Variants in MAN1C1 observed in about 807,000 individuals in gnomAD.
The protein encoded by MAN1C1 is mannosyl-oligosaccharide 1,2-alpha-mannosidase IC.
In MAN1C1, 49 loss-of-function variants were observed where a neutral mutation model predicts 71.5. The ratio of observed to expected loss-of-function variants is 0.69; its 90% confidence interval spans 0.54 to 0.87. The LOEUF (loss-of-function observed/expected upper bound fraction) is 0.87. Among genes scored for constraint, MAN1C1 ranks in the 40% least tolerant of loss-of-function variants. MAN1C1 has a pLI of 0.00. For missense variants in MAN1C1, 743 were observed against 835.0 expected (o/e 0.89, Z 1.36); for synonymous variants, 352 against 343.7 (o/e 1.02, Z -0.27).
At chr1:25,717,283 G>A (rs1003217864) in intron 2 of MAN1C1, among the ~76,000 whole-genome samples, 3 of 152,128 alleles carry the variant, frequency 2.0e-5, no homozygotes, top group African/African-American at 4.8e-5. Context: ...GGCTGAGGTG[G>A]GTGGATCACT....
intron 1 of MAN1C1, among the ~76,000 whole-genome samples, chr1:25,628,898 A>G (rs963528776): frequency 6.6e-6 from 1 of 152,202 alleles, no homozygotes; most frequent in Non-Finnish European, 1.5e-5. Flanking sequence ...CTCCTGCTAC[A>G]TCCAAGTTGC....
At chr1:25,722,182 T>C (rs1054886179) in intron 2 of MAN1C1, among the ~76,000 whole-genome samples, 1 of 152,232 alleles carries the variant, frequency 6.6e-6, no homozygotes, top group African/African-American at 2.4e-5. Flanking sequence ...ATGTGAACTG[T>C]CTTTTCCCTG....
chr1:25,696,886 G>C (rs555945229), intron 2 of MAN1C1, among the ~76,000 whole-genome samples: 3 of 152,094 alleles, frequency 2.0e-5, no homozygotes, highest in Non-Finnish European at 4.4e-5. Context: ...GCCTCAAGGG[G>C]TCCTCCTGCC....
chr1:25,746,653 G>A lies in MAN1C1; in HGVS notation c.638-15G>A, dbSNP rs774831966. 6 of 1,591,090 alleles carry A rather than the reference G, an allele frequency of 3.8e-6. No individual in the cohort carries two copies. The highest frequency in any genetic ancestry group is 5.2e-6 in the Non-Finnish European group (6 of 1,159,454). On this transcript the variant is annotated splice_polypyrimidine_tract_variant and intron_variant, in intron 2 of 11. Coordinates refer to ENST00000374332, the MANE Select transcript of MAN1C1 (RefSeq NM_020379.4). The surrounding 1 kb of genome is among the most constrained non-coding windows in gnomAD (Gnocchi z 4.0). ...GATGGCCCTGGGTCACACCCTCAATGCTCTGTGCCTGCAGGAGGCCTCAGC... is the reference window on the plus strand; with the variant it reads ...GATGGCCCTGGGTCACACCCTCAATACTCTGTGCCTGCAGGAGGCCTCAGC...
intron 2 of MAN1C1, among the ~76,000 whole-genome samples, chr1:25,744,241 T>C (rs2047097968): frequency 6.6e-6 from 1 of 152,144 alleles, no homozygotes; most frequent in Admixed American, 6.5e-5. Flanking sequence ...CCTCCCTGCT[T>C]GAGCACCTCG....
Position 25,671,116 on chromosome 1 carries a change from C to T in MAN1C1, c.541-15324C>T, listed in dbSNP as rs61072680. Among the ~76,000 whole-genome samples the T allele has an allele frequency of 2.1e-3, 323 of 152,282 alleles. 1 individual carries two copies. Among genetic ancestry groups the T allele is most frequent in the African/African-American group, 6.1e-3 (255 of 41,546 alleles). On this transcript the variant is annotated intron_variant, in intron 1 of 11. Coordinates refer to ENST00000374332, the MANE Select transcript of MAN1C1 (RefSeq NM_020379.4). Reference sequence around the variant, plus strand: ...CTGGTCTCAAACTCCTGGGGTCAAGCGATCCACCTGCCTCGGCCTCCAGAA... The same window carrying T: ...CTGGTCTCAAACTCCTGGGGTCAAGTGATCCACCTGCCTCGGCCTCCAGAA...
chr1:25,673,425 C>T (rs1469253583), intron 1 of MAN1C1, among the ~76,000 whole-genome samples: 1 of 152,180 alleles, frequency 6.6e-6, no homozygotes, highest in African/African-American at 2.4e-5. Flanking sequence ...TGCTATGATA[C>T]TTGGGCAAGT....
At chr1:25,734,627 A>G (rs1441059058) in intron 2 of MAN1C1, among the ~76,000 whole-genome samples, 1 of 152,144 alleles carries the variant, frequency 6.6e-6, no homozygotes, top group South Asian at 2.1e-4. Context: ...CCAGCACCTC[A>G]CACCACAGAG....
intron 1 of MAN1C1, among the ~76,000 whole-genome samples, chr1:25,679,956 T>A (rs1310765286): frequency 0.11 from 9,511 of 90,244 alleles, 554 homozygotes; most frequent in African/African-American, 0.21. Context: ...AAAAAATATA[T>A]ATATATATAT....
chr1:25,679,952 TATA>T lies in MAN1C1; in HGVS notation c.541-6487_541-6485del, dbSNP rs1300617524. Among the ~76,000 whole-genome samples the T allele has an allele frequency of 5.4e-3, 519 of 96,698 alleles. 4 individuals are homozygous for T. Among genetic ancestry groups the T allele is most frequent in the African/African-American group, 0.019 (497 of 26,384 alleles). The allele number at this position is 96,698 out of a possible 152,430, so 63.4% of individuals were successfully genotyped here. On this transcript the variant is annotated intron_variant, in intron 1 of 11. Coordinates refer to ENST00000374332, the MANE Select transcript of MAN1C1 (RefSeq NM_020379.4). ...ACCTCTGTCTCAAAAAAAAAAAAAA[TATA>T]TATATATATATATATATATATATAC... is the stretch of plus-strand genomic sequence containing the variant.
intron 1 of MAN1C1, among the ~76,000 whole-genome samples, chr1:25,673,309 A>G (rs1572138938): frequency 6.6e-6 from 1 of 152,138 alleles, no homozygotes; most frequent in African/African-American, 2.4e-5. Flanking sequence ...TCCTTGCAGC[A>G]CCCAGAGAAG....
At chr1:25,673,800 C>T (rs560618609) in intron 1 of MAN1C1, among the ~76,000 whole-genome samples, 2 of 152,290 alleles carry the variant, frequency 1.3e-5, no homozygotes, top group South Asian at 2.1e-4. Context: ...TGTGGAAGTG[C>T]GGTTTCTTTT....
chr1:25,666,908 G>T (rs139196103), intron 1 of MAN1C1, among the ~76,000 whole-genome samples: 21 of 152,120 alleles, frequency 1.4e-4, no homozygotes, highest in African/African-American at 3.4e-4. Context: ...ATGGGCCGTG[G>T]GTTCATTTGT....
chr1:25,630,876 T>C (rs1456792471), intron 1 of MAN1C1, among the ~76,000 whole-genome samples: 1 of 152,258 alleles, frequency 6.6e-6, no homozygotes, highest in Non-Finnish European at 1.5e-5. Context: ...TGACTTCCTC[T>C]TTCCCAATTT....
chr1:25,781,186 C>A, intron 10 of MAN1C1, 74 bp downstream of exon 10: 1 of 1,547,774 alleles, frequency 6.5e-7, no homozygotes, highest in Non-Finnish European at 8.8e-7. Flanking sequence ...GCTAGGTGCC[C>A]TGGCTTGGGC....
chr1:25,763,788 ACCAGCTGCCTCCCATCCTCAGC>A, intron 6 of MAN1C1, 64 bp from the exon 7 acceptor site: 1 of 1,074,904 alleles, frequency 9.3e-7, no homozygotes, highest in Non-Finnish European at 1.4e-6. Context: ...ATGCATCTGA[ACCAGCTGCCTCCCATCCTCAGC>A]AGGCTGGGTG....
chr1:25,687,977 C>T (rs967961279), intron 2 of MAN1C1, among the ~76,000 whole-genome samples: 5 of 151,846 alleles, frequency 3.3e-5, no homozygotes, highest in African/African-American at 7.3e-5. Flanking sequence ...CATGTTATAT[C>T]GTGTTTCCCG....
At chr1:25,717,859 C>T (rs1187829133) in intron 2 of MAN1C1, among the ~76,000 whole-genome samples, 1 of 152,144 alleles carries the variant, frequency 6.6e-6, no homozygotes, top group African/African-American at 2.4e-5. Flanking sequence ...CCACCATGCT[C>T]GGCCCCATTT....
Position 25,734,958 on chromosome 1 carries a change from A to C in MAN1C1, c.638-11710A>C, listed in dbSNP as rs994098469. 3.9e-5 allele frequency among the ~76,000 whole-genome samples: 6 copies of C among 152,348 alleles called. No individual in the cohort carries two copies. In the East Asian group the frequency reaches 1.2e-3, roughly 29 times the overall value. Reference sequence around the variant, plus strand: ...CGGAGGAAGAAACATTTTATCTAGAAGTTAAAGTAGACATTGGATTGAGAC... The same window carrying C: ...CGGAGGAAGAAACATTTTATCTAGACGTTAAAGTAGACATTGGATTGAGAC... On this transcript the variant is annotated intron_variant, in intron 2 of 11. Transcript: ENST00000374332.
Sources: allele counts gnomAD v4.1 joint callset (sites outside exome capture counted in the v4.1 genomes callset), GRCh38; gene constraint gnomAD v4.1.1; non-coding constraint Gnocchi (gnomAD v3.1); transcripts MANE v1.5; gene names NCBI Gene and HGNC (gene_info 2026-07-23, HGNC 2026-07-21).